SGCD: variants seen among roughly 807,000 people sequenced by gnomAD.
SGCD encodes the protein sarcoglycan delta.
SGCD carries 18 observed loss-of-function variants against 36.6 expected under a neutral mutation model. The observed-to-expected ratio is 0.49, with a 90% CI of 0.34 to 0.73. The LOEUF is 0.73. Ranked by LOEUF, SGCD falls within the 30% of genes least tolerant of loss-of-function variation. The pLI is 0.01. For synonymous variants in SGCD, 133 were observed against 130.6 expected, an observed-to-expected ratio of 1.02 and a Z score of -0.12; for missense variants, 387 against 346.7, an observed-to-expected ratio of 1.12 and a Z score of -0.92.
At position 156,540,505 on chromosome 5, in the gene SGCD, A is replaced by T. The variant is rs562624193; in HGVS notation, c.294+31803A>T. On this transcript the variant is annotated intron_variant, in intron 4 of 8. Coordinates refer to ENST00000337851, the MANE Select transcript of SGCD (RefSeq NM_000337.6). Reference sequence around the variant, plus strand: ...TTCCCTTTTATATGTTCCCCTTTAAATTAGCTAAGCTGCATAATTTAAATA... The same window carrying T: ...TTCCCTTTTATATGTTCCCCTTTAATTTAGCTAAGCTGCATAATTTAAATA... 2.6e-5 allele frequency among the ~76,000 whole-genome samples: 4 copies of T among 152,276 alleles called. No homozygotes were observed. In the South Asian group the frequency reaches 8.3e-4, roughly 32 times the overall value.
chr5:155,868,007 T>C (rs532389697), upstream of SGCD, among the ~76,000 whole-genome samples: 3 of 152,262 alleles, frequency 2.0e-5, no homozygotes, highest in South Asian at 6.2e-4. Context: ...CAAAAAGGGC[T>C]GTGTAAAATT....
intron 3 of SGCD, among the ~76,000 whole-genome samples, chr5:156,198,286 C>T (rs1044550741): frequency 7.9e-5 from 12 of 151,946 alleles, no homozygotes; most frequent in African/African-American, 2.9e-4. Context: ...AAAAACTTGG[C>T]CTTGCAAATA....
intron 3 of SGCD, among the ~76,000 whole-genome samples, chr5:156,261,167 T>A (rs1222202109): frequency 6.6e-6 from 1 of 152,194 alleles, no homozygotes; most frequent in African/African-American, 2.4e-5. Flanking sequence ...TTTTATAAAA[T>A]GAATTGGAAT....
At chr5:155,922,597 T>C (rs1756899980) in intron 1 of SGCD, among the ~76,000 whole-genome samples, 1 of 152,192 alleles carries the variant, frequency 6.6e-6, no homozygotes, top group Admixed American at 6.5e-5. Context: ...AAAGGAATTT[T>C]GCAGTTTATG....
the SGCD span, among the ~76,000 whole-genome samples, chr5:155,768,210 A>G: frequency 6.6e-6 from 1 of 151,912 alleles, no homozygotes; most frequent in Non-Finnish European, 1.5e-5. Context: ...TATGTTTCTT[A>G]CATTTTATGA....
intron 7 of SGCD, among the ~76,000 whole-genome samples, chr5:156,706,571 T>C (rs1754752156): frequency 6.6e-6 from 1 of 152,098 alleles, no homozygotes; most frequent in South Asian, 2.1e-4. Context: ...CTCCATCAGT[T>C]CTCTCTTCCA....
intron 1 of SGCD, among the ~76,000 whole-genome samples, chr5:155,992,508 C>T (rs901155457): frequency 6.6e-6 from 1 of 152,146 alleles, no homozygotes; most frequent in African/African-American, 2.4e-5. Context: ...TCATATTATT[C>T]ATGAGCACTA....
chr5:156,572,968 T>C (rs971149680), intron 4 of SGCD, among the ~76,000 whole-genome samples: 1 of 152,164 alleles, frequency 6.6e-6, no homozygotes, highest in Non-Finnish European at 1.5e-5. Context: ...GAAAGAAATT[T>C]AGGGTACACA....
intron 3 of SGCD, among the ~76,000 whole-genome samples, chr5:156,261,491 G>A (rs933395937): frequency 3.3e-5 from 5 of 152,152 alleles, no homozygotes; most frequent in Admixed American, 2.0e-4. Flanking sequence ...TCAGTGCAAC[G>A]TATTACTCAC....
chr5:156,739,829 T>G (rs542840924), intron 7 of SGCD: 1 of 152,310 alleles, frequency 6.6e-6, no homozygotes, highest in African/African-American at 2.4e-5. Context: ...CAATGTTTGT[T>G]TAACCGCTCT....
chr5:156,557,538 A>T lies in SGCD; in HGVS notation c.295-31693A>T, dbSNP rs150220948. 3.1e-3 allele frequency among the ~76,000 whole-genome samples: 477 copies of T among 152,326 alleles called. 4 individuals carry two copies. Among genetic ancestry groups the T allele is most frequent in the African/African-American group, 0.011 (457 of 41,582 alleles). ...TATAAGTAAAGTTTTATTGTAAAAT[A>T]ACCATACCCATTCATTTATGTATTG... is the stretch of plus-strand genomic sequence containing the variant. On this transcript the variant is annotated intron_variant, in intron 4 of 8. Coordinates refer to ENST00000337851, the MANE Select transcript of SGCD (RefSeq NM_000337.6).
chr5:156,060,291 TCAGA>T (rs1256617804), intron 1 of SGCD, among the ~76,000 whole-genome samples: 1 of 146,114 alleles, frequency 6.8e-6, no homozygotes. Context: ...CTTTGAATTA[TCAGA>T]CAGTGAAGCA....
intron 1 of SGCD, among the ~76,000 whole-genome samples, chr5:155,959,279 C>T (rs1757737442): frequency 6.6e-6 from 1 of 152,098 alleles, no homozygotes; most frequent in Non-Finnish European, 1.5e-5. Flanking sequence ...ATTTATAACC[C>T]AGGCCCTGAG....
chr5:156,176,385 G>A (rs1370329740), intron 3 of SGCD, among the ~76,000 whole-genome samples: 1 of 152,118 alleles, frequency 6.6e-6, no homozygotes, highest in African/African-American at 2.4e-5. Flanking sequence ...AAATAGGTTA[G>A]GAATATCTCT....
chr5:156,422,817 A>G (rs1285743635), intron 3 of SGCD, among the ~76,000 whole-genome samples: 1 of 151,924 alleles, frequency 6.6e-6, no homozygotes, highest in African/African-American at 2.4e-5. Flanking sequence ...ACATTGCTCT[A>G]TGTCCCTTGT....
chr5:156,198,681 G>T (rs1042187172), intron 3 of SGCD, among the ~76,000 whole-genome samples: 1 of 152,016 alleles, frequency 6.6e-6, no homozygotes, highest in Admixed American at 6.6e-5. Context: ...GAATGCTACA[G>T]AATTTCTTAC....
intron 4 of SGCD, among the ~76,000 whole-genome samples, chr5:156,553,463 A>G (rs370846702): frequency 2.0e-5 from 3 of 152,126 alleles, no homozygotes; most frequent in African/African-American, 4.8e-5. Context: ...TAATTGAGCT[A>G]TAATTCATAT....
intron 4 of SGCD, among the ~76,000 whole-genome samples, chr5:156,531,300 C>G (rs188442348): frequency 1.3e-5 from 2 of 152,134 alleles, no homozygotes; most frequent in Admixed American, 6.5e-5. Context: ...GCCTCCAGGA[C>G]TATAAGAAAG....
chr5:156,506,349 ACACT>A (rs1360477347), intron 3 of SGCD, among the ~76,000 whole-genome samples: 5 of 151,676 alleles, frequency 3.3e-5, no homozygotes, highest in African/African-American at 9.7e-5. Flanking sequence ...TACTAAACAC[ACACT>A]CACACACACA....
Sources: gnomAD v4.1 joint callset for allele counts (sites outside exome capture counted in the v4.1 genomes callset) on GRCh38, gnomAD v4.1.1 for gene constraint, MANE v1.5 for transcripts, NCBI Gene and HGNC (gene_info 2026-07-23, HGNC 2026-07-21) for gene names.